GRID1: variants seen among roughly 807,000 people sequenced by gnomAD.
GRID1 encodes glutamate ionotropic receptor delta type subunit 1.
Under a neutral mutation model 98.0 loss-of-function variants are expected in GRID1, and 28 were observed. The observed-to-expected ratio is 0.29, with a 90% confidence interval of 0.21 to 0.39. The LOEUF (loss-of-function observed/expected upper bound fraction) is 0.39. Ranked by LOEUF, GRID1 falls within the 10% of genes least tolerant of loss-of-function variation. The probability of loss-of-function intolerance (pLI) is 1.00; values close to 1 mark genes in which losing one functional copy is unlikely to be tolerated. For synonymous variants in GRID1, 553 were observed against 538.5 expected (o/e 1.03, Z -0.37); for missense variants, 1,111 against 1,340.5 (o/e 0.83, Z 2.67).
intron 12 of GRID1, among the ~76,000 whole-genome samples, chr10:85,670,345 G>A (rs1364992190): frequency 6.6e-6 from 1 of 152,194 alleles, no homozygotes; most frequent in African/African-American, 2.4e-5. Flanking sequence ...TAGAAACAGA[G>A]CAGTGAGGAT....
chr10:86,146,905 C>T (rs1039366864), intron 3 of GRID1, among the ~76,000 whole-genome samples: 37 of 152,306 alleles, frequency 2.4e-4, no homozygotes, highest in African/African-American at 8.2e-4. Flanking sequence ...TCCATGCAGG[C>T]GACTCTCTGT....
At chr10:85,995,414 G>A (rs1035120317) in intron 4 of GRID1, among the ~76,000 whole-genome samples, 17 of 152,196 alleles carry the variant, frequency 1.1e-4, no homozygotes, top group Middle Eastern at 3.4e-3. Flanking sequence ...GAAGAGTTTC[G>A]GACCCCCACT....
At chr10:86,228,338 C>T (rs559912676) in intron 2 of GRID1, among the ~76,000 whole-genome samples, 96 of 151,290 alleles carry the variant, frequency 6.3e-4, no homozygotes, top group Admixed American at 1.5e-3. Context: ...GGAGAGGAAA[C>T]GTAGACAATC....
At chr10:86,239,856 AT>A (rs1015951256) in intron 2 of GRID1, among the ~76,000 whole-genome samples, 26 of 152,332 alleles carry the variant, frequency 1.7e-4, no homozygotes, top group African/African-American at 5.8e-4. Flanking sequence ...GTAGTTATTT[AT>A]AATAATGTGA....
chr10:85,811,263 TAAA>T (rs1387631381), intron 8 of GRID1, among the ~76,000 whole-genome samples: 2 of 152,186 alleles, frequency 1.3e-5, no homozygotes, highest in Non-Finnish European at 2.9e-5. Flanking sequence ...ACCTATTCTA[TAAA>T]ATTGGAAGAG....
intron 4 of GRID1, among the ~76,000 whole-genome samples, chr10:86,119,249 T>C (rs1178688196): frequency 6.6e-6 from 1 of 152,088 alleles, no homozygotes; most frequent in African/African-American, 2.4e-5. Context: ...ATGGGAAGAT[T>C]GCTTGAGCCT....
At chr10:85,866,319 A>G (rs1843221204) in intron 6 of GRID1, among the ~76,000 whole-genome samples, 1 of 151,628 alleles carries the variant, frequency 6.6e-6, no homozygotes, top group Non-Finnish European at 1.5e-5. Context: ...AAAAAAAAAA[A>G]AAAAGGCTAT....
intron 10 of GRID1, among the ~76,000 whole-genome samples, chr10:85,727,462 A>AT (rs1392874071): frequency 1.3e-5 from 2 of 152,162 alleles, no homozygotes; most frequent in Non-Finnish European, 2.9e-5. Context: ...ACATACACAC[A>AT]TATGTATGAA....
At chr10:86,236,018 G>C (rs1189562654) in intron 2 of GRID1, among the ~76,000 whole-genome samples, 4 of 152,200 alleles carry the variant, frequency 2.6e-5, no homozygotes, top group Non-Finnish European at 5.9e-5. Flanking sequence ...CGCTGGCAGT[G>C]TATGAGGGTT....
chr10:85,882,390 T>G (rs573672385), intron 5 of GRID1, among the ~76,000 whole-genome samples: 84 of 152,228 alleles, frequency 5.5e-4, no homozygotes, highest in Middle Eastern at 3.4e-3. Flanking sequence ...CCAACAATGA[T>G]AGACTGGATT....
At chr10:85,652,247 A>G (rs907334074) in intron 12 of GRID1, among the ~76,000 whole-genome samples, 3 of 152,244 alleles carry the variant, frequency 2.0e-5, no homozygotes, top group African/African-American at 7.2e-5. Flanking sequence ...TCCTAGATAT[A>G]TGTTCATTAA....
At chr10:85,820,023 AAGGAAGGCAGGCAGGCAGGCAGGCAGGC>A (rs1564600201) in intron 8 of GRID1, among the ~76,000 whole-genome samples, 246 of 90,102 alleles carry the variant, frequency 2.7e-3, no homozygotes, top group African/African-American at 9.9e-3. Context: ...GGAAGGAAGG[AAGGAAGGCAGGCAGGCAGGCAGGCAGGC>A]AGGCAGGCAG....
intron 4 of GRID1, among the ~76,000 whole-genome samples, chr10:86,023,551 C>T (rs1298648250): frequency 6.6e-6 from 1 of 152,094 alleles, no homozygotes; most frequent in Non-Finnish European, 1.5e-5. Flanking sequence ...CTGTCCAGAC[C>T]CCTCTCTTGA....
intron 2 of GRID1, among the ~76,000 whole-genome samples, chr10:86,239,005 C>T (rs749997363): frequency 2.6e-5 from 4 of 152,120 alleles, no homozygotes; most frequent in Non-Finnish European, 5.9e-5. Context: ...CCTCCAGACC[C>T]CAGAATGGTA....
At position 85,731,800 on chromosome 10, in the gene GRID1, A is replaced by AG. The variant is rs71016107; in HGVS notation, c.1234-2187_1234-2186insC. On this transcript the variant is annotated intron_variant, in intron 8 of 15. Coordinates refer to ENST00000327946, the MANE Select transcript of GRID1 (RefSeq NM_017551.3). ...CTGGGCAACAGAGTGAGACCCTGAC[A>AG]AAAAAAAAAAAAAGAAGAAGAAGGA... Among the ~76,000 whole-genome samples the AG allele has an allele frequency of 6.7e-4, 37 of 55,266 alleles. 2 individuals carry two copies. The highest frequency in any genetic ancestry group is 2.3e-3 in the African/African-American group (20 of 8,564). 36.3% of individuals were successfully genotyped at this position (55,266 alleles called of 152,430 possible).
intron 12 of GRID1, among the ~76,000 whole-genome samples, chr10:85,655,696 G>A (rs558321469): frequency 3.0e-4 from 45 of 152,244 alleles, no homozygotes; most frequent in African/African-American, 8.2e-4. Context: ...CAATGAGGCT[G>A]CTTCTTTTTT....
Position 86,205,239 on chromosome 10 carries a change from T to TTA in GRID1, c.520+1123_520+1124dup, listed in dbSNP as rs557209327. On this transcript the variant is annotated intron_variant, in intron 3 of 15. Transcript: ENST00000327946. The stretch of plus-strand genomic sequence containing the variant: ...CTTAGTTACATTCTTGGCAAAGAAA[T>TTA]TATATCACCCAGAGACAAAATGGGA... 1.6e-3 allele frequency among the ~76,000 whole-genome samples: 243 copies of TTA among 152,322 alleles called. 2 individuals are homozygous for TTA. The highest frequency in any genetic ancestry group is 5.7e-3 in the African/African-American group (235 of 41,572).
chr10:85,873,162 G>A (rs887713555), intron 5 of GRID1, among the ~76,000 whole-genome samples: 2 of 152,158 alleles, frequency 1.3e-5, no homozygotes, highest in Non-Finnish European at 2.9e-5. Context: ...ACACCAGGCT[G>A]CATTTCCTGG....
chr10:86,281,533 C>G (rs1255374904), intron 2 of GRID1, among the ~76,000 whole-genome samples: 1 of 152,204 alleles, frequency 6.6e-6, no homozygotes, highest in Non-Finnish European at 1.5e-5. Flanking sequence ...TGGAGTTCAT[C>G]TGAAAATCAG....
Sources: allele counts gnomAD v4.1 joint callset (sites outside exome capture counted in the v4.1 genomes callset), GRCh38; gene constraint gnomAD v4.1.1; transcripts MANE v1.5; gene names NCBI Gene and HGNC (gene_info 2026-07-23, HGNC 2026-07-21).